MYEF2: variants seen among roughly 807,000 people sequenced by gnomAD.
The protein encoded by MYEF2 is myelin expression factor 2, also known as myelin gene expression factor 2.
A neutral mutation model predicts 75.2 loss-of-function variants in MYEF2; 37 were observed. The observed-to-expected ratio is 0.49, with a 90% CI of 0.38 to 0.65. The LOEUF (loss-of-function observed/expected upper bound fraction) is 0.65, where lower values mean the gene tolerates loss of function less well. Ranked by LOEUF, MYEF2 falls within the 30% of genes least tolerant of loss-of-function variation. MYEF2 has a pLI of 0.00. For missense variants in MYEF2, 634 were observed against 771.4 expected, an observed-to-expected ratio of 0.82 and a Z score of 2.11; for synonymous variants, 195 against 241.6, an observed-to-expected ratio of 0.81 and a Z score of 1.79.
At chr15:48,170,738 G>T (rs981097754) in intron 1 of MYEF2, among the ~76,000 whole-genome samples, 1 of 152,100 alleles carries the variant, frequency 6.6e-6, no homozygotes, top group African/African-American at 2.4e-5. Flanking sequence ...CTTCTTTGTA[G>T]GTAACACAGC....
At chr15:48,155,459 T>C (rs1303322599) in intron 9 of MYEF2, among the ~76,000 whole-genome samples, 1 of 152,072 alleles carries the variant, frequency 6.6e-6, no homozygotes, top group Admixed American at 6.6e-5. Context: ...CATAAGATAA[T>C]AAGATAAACA....
In MYEF2 at chr15:48,136,232, A is replaced by G. The variant is rs1169559687; in HGVS notation, c.*6676T>C. 6.6e-6 allele frequency: 1 copy of G among 152,368 alleles called. No homozygotes were observed. The highest frequency in any genetic ancestry group is 6.6e-5 in the Admixed American group (1 of 15,242). 9.4% of individuals were successfully genotyped at this position (152,368 alleles called of 1,614,324 possible). On this transcript the variant is annotated 3_prime_UTR_variant, in exon 17 of 17. Transcript: ENST00000324324. The stretch of plus-strand genomic sequence containing the variant: ...GTAATATTTTACACAAAGTTCCTAT[A>G]CCAGAAAACTTGGACAGTTGAAATA...
intron 16 of MYEF2, among the ~76,000 whole-genome samples, chr15:48,146,816 A>G (rs1330689927): frequency 6.6e-6 from 1 of 152,066 alleles, no homozygotes; most frequent in Non-Finnish European, 1.5e-5. Flanking sequence ...AGATTTATAA[A>G]TAAGTGACAT....
At chr15:48,157,534 A>C (rs1436436420) in intron 9 of MYEF2, 1 of 164,008 alleles carries the variant, frequency 6.1e-6, no homozygotes. Context: ...ATAGACTATT[A>C]TACTACCAAT....
rs1214007223 is a variant in MYEF2, at chr15:48,142,279, G to T, written c.*629C>A. On this transcript the variant is annotated 3_prime_UTR_variant, in exon 17 of 17. Coordinates refer to ENST00000324324, the MANE Select transcript of MYEF2 (RefSeq NM_016132.5). ...TAGTCTGCCTATTATCATACTTGGG[G>T]CTTGCTACATTATCAGTTCTATATG... The T allele has an allele frequency of 1.9e-6, 3 of 1,613,442 alleles. No individual in the cohort carries two copies. In the East Asian group the frequency reaches 6.7e-5, roughly 36 times the overall value.
At chr15:48,152,427 T>C (rs1641781044) in intron 10 of MYEF2, 143 bp from the exon 11 acceptor site, 2 of 659,278 alleles carry the variant, frequency 3.0e-6, no homozygotes, top group Non-Finnish European at 5.3e-6. Flanking sequence ...GGAGGCATGG[T>C]TTAAAGTGCT....
chr15:48,172,779 A>G (rs2040388602), intron 1 of MYEF2, among the ~76,000 whole-genome samples: 1 of 152,152 alleles, frequency 6.6e-6, no homozygotes, highest in African/African-American at 2.4e-5. Context: ...AGAAATTAAT[A>G]AATTCCTGGA....
chr15:48,156,522 CAG>C (rs2039704205), intron 9 of MYEF2, among the ~76,000 whole-genome samples: 1 of 149,730 alleles, frequency 6.7e-6, no homozygotes, highest in South Asian at 2.1e-4. Flanking sequence ...AAAAAAAAGA[CAG>C]AAAATATAAA....
chr15:48,178,222 T>C lies in MYEF2; in HGVS notation c.16A>G (p.Lys6Glu), dbSNP rs1428275044. Residue 6 changes from lysine to glutamate, a missense_variant, in exon 1 of 17, where the codon AAG (lysine) becomes GAG (glutamate). Lys to Glu is a moderately conservative substitution (Grantham distance 56). Coordinates refer to ENST00000324324, the MANE Select transcript of MYEF2 (RefSeq NM_016132.5). MADAN[K>E]AEVPGATGGD... is the part of the protein sequence containing the mutation. ...CCAGTGGCCCCGGGCACCTCGGCCT[T>C]GTTGGCGTCCGCCATCCCGCCGCCG... The C allele has an allele frequency of 7.0e-7, 1 of 1,423,454 alleles. No homozygotes were observed. Among genetic ancestry groups the C allele is most frequent in the African/African-American group, 1.5e-5 (1 of 66,056 alleles). 88.2% of individuals were successfully genotyped at this position (1,423,454 alleles called of 1,614,324 possible).
At chr15:48,146,009 A>T (rs571054823) in intron 16 of MYEF2, among the ~76,000 whole-genome samples, 97 of 152,050 alleles carry the variant, frequency 6.4e-4, no homozygotes, top group African/African-American at 2.2e-3. Flanking sequence ...ATGTAGAAAT[A>T]CTACATAATG....
Position 48,170,120 on chromosome 15 carries a change from C to T in MYEF2, c.162-1281G>A, listed in dbSNP as rs184990967. ...GGGTTTTTTGTGGGGGTTTTTGTTG[C>T]TGTTGTTGTTGTTGTTGTTGTTTGA... On this transcript the variant is annotated intron_variant, in intron 1 of 16. Transcript: ENST00000324324. 4.5e-3 allele frequency among the ~76,000 whole-genome samples: 683 copies of T among 151,584 alleles called. 1 individual carries two copies. Among genetic ancestry groups the T allele is most frequent in the Non-Finnish European group, 5.9e-3 (398 of 67,822 alleles).
Position 48,139,741 on chromosome 15 carries a change from T to G in MYEF2, c.*3167A>C, listed in dbSNP as rs2039005274. 6.6e-6 allele frequency: 1 copy of G among 152,108 alleles called. No homozygotes were observed. The highest frequency in any genetic ancestry group is 2.1e-4 in the South Asian group (1 of 4,830). The allele number at this position is 152,108 out of a possible 1,614,324, so 9.4% of individuals were successfully genotyped here. Reference sequence around the variant, plus strand: ...ACTAGCTACTGCTGCTTGGCCATAATCCACTACAGTCCCTAAACAAAAAAA... The same window carrying G: ...ACTAGCTACTGCTGCTTGGCCATAAGCCACTACAGTCCCTAAACAAAAAAA... On this transcript the variant is annotated 3_prime_UTR_variant, in exon 17 of 17. Transcript: ENST00000324324.
intron 1 of MYEF2, among the ~76,000 whole-genome samples, chr15:48,171,324 A>G (rs1190688064): frequency 6.6e-6 from 1 of 152,204 alleles, no homozygotes; most frequent in Non-Finnish European, 1.5e-5. Context: ...CCTGGATTAA[A>G]CCAATTGTGA....
At chr15:48,148,460 A>C (rs943658325) in intron 16 of MYEF2, among the ~76,000 whole-genome samples, 1 of 152,028 alleles carries the variant, frequency 6.6e-6, no homozygotes, top group African/African-American at 2.4e-5. Context: ...CAGTTTATAA[A>C]AGAATAAGAA....
In MYEF2 at chr15:48,142,428, C is replaced by A; in HGVS notation, c.*480G>T. The A allele has an allele frequency of 3.6e-6, 4 of 1,118,642 alleles. No homozygotes were observed. Among genetic ancestry groups the A allele is most frequent in the South Asian group, 2.1e-5 (1 of 47,046 alleles). The allele number at this position is 1,118,642 out of a possible 1,614,324, so 69.3% of individuals were successfully genotyped here. A position where few individuals can be genotyped will look rare whatever the true frequency, so the allele number is the denominator to read the frequency against. On this transcript the variant is annotated 3_prime_UTR_variant, in exon 17 of 17. Transcript: ENST00000324324. ...GAAAAATCCATTTCTTCATTTAAAT[C>A]AAATTTTAAAAATCTTGAACCTTAG...
chr15:48,175,056 AATG>A (rs778178424), intron 1 of MYEF2, among the ~76,000 whole-genome samples: 29 of 152,164 alleles, frequency 1.9e-4, no homozygotes, highest in Non-Finnish European at 3.8e-4. Flanking sequence ...TTGACAGATA[AATG>A]ATTAAAGGAA....
At chr15:48,160,167 C>T (rs560012656) in intron 5 of MYEF2, among the ~76,000 whole-genome samples, 2 of 152,154 alleles carry the variant, frequency 1.3e-5, no homozygotes, top group Non-Finnish European at 2.9e-5. Flanking sequence ...TCATTTCTCA[C>T]TATTGGATGC....
intron 3 of MYEF2, among the ~76,000 whole-genome samples, chr15:48,167,040 A>G (rs556515813): frequency 6.6e-5 from 10 of 152,160 alleles, no homozygotes; most frequent in African/African-American, 2.4e-4. Flanking sequence ...AGTGACTTTT[A>G]AAGTATCCTT....
In MYEF2 at chr15:48,153,874, C is replaced by G; in HGVS notation, c.1005G>C (p.Gly335=). Residue 335 remains glycine (G), a synonymous_variant, in exon 10 of 17, where the codon GGG becomes GGC. Transcript: ENST00000324324. ...PQLPRGLGGI[G]MGLGPGGQPI... ...GCTGTCCACCCGGACCAAGTCCCAT[C>G]CCAATGCCTCCAAGACCACCTAAAA... 6.2e-7 allele frequency: 1 copy of G among 1,613,158 alleles called. No individual in the cohort carries two copies. The highest frequency in any genetic ancestry group is 2.2e-5 in the East Asian group (1 of 44,850).
Sources: allele counts gnomAD v4.1 joint callset (sites outside exome capture counted in the v4.1 genomes callset), GRCh38; gene constraint gnomAD v4.1.1; transcripts MANE v1.5; gene names NCBI Gene and HGNC (gene_info 2026-07-23, HGNC 2026-07-21).